The following PID1 variants were observed in gnomAD, a reference collection of about 807,000 sequenced individuals.
The protein encoded by PID1 is phosphotyrosine interaction domain containing 1, also known as PTB-containing, cubilin and LRP1-interacting protein.
In PID1, 10 loss-of-function variants were observed where a neutral mutation model predicts 19.1. The observed-to-expected ratio is 0.52, with a 90% CI of 0.32 to 0.89. The LOEUF (loss-of-function observed/expected upper bound fraction) is 0.89. PID1 is among the 40% of genes least tolerant of loss of function. The pLI is 0.03. For missense variants in PID1, 248 were observed against 285.3 expected (o/e 0.87, Z 0.94); for synonymous variants, 130 against 116.0 (o/e 1.12, Z -0.78).
At chr2:229,141,060 T>A (rs1690001887) in intron 2 of PID1, among the ~76,000 whole-genome samples, 1 of 151,938 alleles carries the variant, frequency 6.6e-6, no homozygotes, top group Non-Finnish European at 1.5e-5. Context: ...AGTATCTATG[T>A]GGCAGGATGA....
intron 2 of PID1, among the ~76,000 whole-genome samples, chr2:229,118,689 T>C (rs577157400): frequency 6.6e-6 from 1 of 152,234 alleles, no homozygotes; most frequent in East Asian, 1.9e-4. Context: ...GCTACTCAAA[T>C]AATGCTGATG....
intron 1 of PID1, among the ~76,000 whole-genome samples, chr2:229,268,382 G>A (rs1279607870): frequency 1.3e-5 from 2 of 152,160 alleles, no homozygotes; most frequent in Non-Finnish European, 2.9e-5. Context: ...TCTACGCAAA[G>A]ATCTATCACA....
chr2:229,143,322 T>G (rs758601499), intron 2 of PID1, among the ~76,000 whole-genome samples: 29 of 151,838 alleles, frequency 1.9e-4, no homozygotes, highest in Non-Finnish European at 3.7e-4. Context: ...ATTGTGCACA[T>G]GTACCCTAAA....
intron 2 of PID1, among the ~76,000 whole-genome samples, chr2:229,093,933 A>G (rs1014619346): frequency 1.3e-5 from 2 of 152,198 alleles, no homozygotes; most frequent in South Asian, 4.1e-4. Flanking sequence ...TCTGTTCAAC[A>G]TAGTACTGGA....
At chr2:229,195,828 A>G (rs1056889884) in intron 1 of PID1, among the ~76,000 whole-genome samples, 4 of 152,056 alleles carry the variant, frequency 2.6e-5, no homozygotes, top group African/African-American at 9.7e-5. Context: ...TTACATTTTC[A>G]GAGCATTACA....
chr2:229,241,213 T>C (rs1689858187), intron 1 of PID1, among the ~76,000 whole-genome samples: 1 of 152,134 alleles, frequency 6.6e-6, no homozygotes, highest in South Asian at 2.1e-4. Flanking sequence ...GACTCCTTTT[T>C]CTCTTGTTTA....
chr2:229,071,362 G>A (rs1033494842), intron 2 of PID1, among the ~76,000 whole-genome samples: 1 of 152,180 alleles, frequency 6.6e-6, no homozygotes, highest in Non-Finnish European at 1.5e-5. Flanking sequence ...TCCAGGTGTT[G>A]TTGTTGGGGT....
At chr2:229,269,110 G>T (rs191005625) in intron 1 of PID1, among the ~76,000 whole-genome samples, 5 of 150,822 alleles carry the variant, frequency 3.3e-5, no homozygotes, top group Non-Finnish European at 7.5e-5. Flanking sequence ...AATTTGGGCA[G>T]CATGAAGTTG....
intron 2 of PID1, among the ~76,000 whole-genome samples, chr2:229,083,640 T>C (rs765537863): frequency 2.8e-4 from 42 of 152,306 alleles, no homozygotes; most frequent in Admixed American, 4.6e-4. Context: ...TCTCATTCTG[T>C]AGTGAGTGTC....
At chr2:229,078,772 T>C (rs1694612934) in intron 2 of PID1, among the ~76,000 whole-genome samples, 1 of 152,184 alleles carries the variant, frequency 6.6e-6, no homozygotes, top group Non-Finnish European at 1.5e-5. Flanking sequence ...CAGAACATCC[T>C]CTCCTGCTCC....
At chr2:229,261,896 CT>C (rs34477126) in intron 1 of PID1, among the ~76,000 whole-genome samples, 49,483 of 147,828 alleles carry the variant, frequency 0.33, 8,190 homozygotes, top group African/African-American at 0.36. Flanking sequence ...ACATGGCTGA[CT>C]TTTTTTTTTT....
intron 2 of PID1, among the ~76,000 whole-genome samples, chr2:229,084,092 C>T (rs1020729329): frequency 6.6e-6 from 1 of 152,168 alleles, no homozygotes; most frequent in African/African-American, 2.4e-5. Flanking sequence ...TAAATAGTTA[C>T]ATTCTGCTGG....
At chr2:229,068,036 G>A (rs1329228781) in intron 2 of PID1, among the ~76,000 whole-genome samples, 2 of 152,160 alleles carry the variant, frequency 1.3e-5, no homozygotes, top group Non-Finnish European at 2.9e-5. Flanking sequence ...TCTGCACTCA[G>A]TACATTCTAT....
chr2:229,246,529 T>G (rs1690007095), intron 1 of PID1, among the ~76,000 whole-genome samples: 1 of 152,162 alleles, frequency 6.6e-6, no homozygotes, highest in Non-Finnish European at 1.5e-5. Flanking sequence ...TGTTGAGCTG[T>G]GGGCACACAC....
intron 1 of PID1, among the ~76,000 whole-genome samples, chr2:229,238,170 T>C (rs1159074284): frequency 1.3e-5 from 2 of 152,176 alleles, no homozygotes; most frequent in Non-Finnish European, 2.9e-5. Flanking sequence ...GGAGTGCAAA[T>C]GAATCCCTCA....
At chr2:229,182,133 C>T (rs1377264316) in intron 1 of PID1, among the ~76,000 whole-genome samples, 1 of 152,098 alleles carries the variant, frequency 6.6e-6, no homozygotes, top group Admixed American at 6.5e-5. Flanking sequence ...ATGGTGGATA[C>T]CTATCAAAAC....
intron 1 of PID1, among the ~76,000 whole-genome samples, chr2:229,171,740 C>T (rs1021588873): frequency 5.3e-5 from 8 of 152,134 alleles, no homozygotes; most frequent in Admixed American, 6.6e-5. Flanking sequence ...ACAAAAATAT[C>T]ATTGGAATTT....
chr2:229,189,783 CG>C (rs1691217397), intron 1 of PID1, among the ~76,000 whole-genome samples: 1 of 152,010 alleles, frequency 6.6e-6, no homozygotes, highest in Non-Finnish European at 1.5e-5. Context: ...CAGGCAAGGG[CG>C]GGGCAGAGAG....
intron 2 of PID1, among the ~76,000 whole-genome samples, chr2:229,062,522 T>C (rs999157575): frequency 1.3e-5 from 2 of 151,956 alleles, no homozygotes; most frequent in African/African-American, 4.8e-5. Context: ...GATTTTTGCC[T>C]CTGTTTTCAT....
Sources: gnomAD v4.1 joint callset for allele counts (sites outside exome capture counted in the v4.1 genomes callset) on GRCh38, gnomAD v4.1.1 for gene constraint, MANE v1.5 for transcripts, NCBI Gene and HGNC (gene_info 2026-07-23, HGNC 2026-07-21) for gene names.